The following OTOG variants were observed in gnomAD, a reference collection of about 807,000 sequenced individuals.
OTOG encodes otogelin.
Under a neutral mutation model 313.8 loss-of-function variants are expected in OTOG, and 296 were observed. The ratio of observed to expected loss-of-function variants is 0.94; its 90% confidence interval spans 0.86 to 1.04. OTOG has a LOEUF of 1.04. Ranked by LOEUF, OTOG falls within the 50% of genes least tolerant of loss-of-function variation. OTOG has a pLI of 0.00. For missense variants in OTOG, 3,948 were observed against 3,840.1 expected (o/e 1.03, Z -0.74); for synonymous variants, 1,533 against 1,554.9 (o/e 0.99, Z 0.33).
In OTOG at chr11:17,563,115, C is replaced by T. The variant is rs550328125; in HGVS notation, c.1644+1308C>T. ...CATGACCCTTGAACTGTGTCAATCA[C>T]CTGTGAACATAACTGAGAAAATGGC... is the stretch of plus-strand genomic sequence containing the variant. On this transcript the variant is annotated intron_variant, in intron 15 of 55. Coordinates refer to ENST00000399397, the MANE Select transcript of OTOG (RefSeq NM_001292063.2). 3.3e-5 allele frequency among the ~76,000 whole-genome samples: 5 copies of T among 152,324 alleles called. No individual in the cohort carries two copies. In the South Asian group the frequency reaches 6.2e-4, roughly 19 times the overall value.
intron 39 of OTOG, among the ~76,000 whole-genome samples, chr11:17,624,668 A>C (rs887391512): frequency 6.6e-6 from 1 of 152,132 alleles, no homozygotes; most frequent in Admixed American, 6.6e-5. Flanking sequence ...ATTTTAAAAT[A>C]GTTTTTTTTT....
At chr11:17,605,822 G>T in intron 32 of OTOG, 35 bp from the exon 33 acceptor site, 1 of 1,506,772 alleles carries the variant, frequency 6.6e-7, no homozygotes, top group Non-Finnish European at 8.9e-7. Flanking sequence ...CTGGACCTCT[G>T]CCTGTACTGA....
At position 17,553,487 on chromosome 11, in the gene OTOG, C is replaced by T; in HGVS notation, c.508C>T (p.His170Tyr). ...GKGSYTLVGR[H>Y]EPEGQSFSIQ... ...GGGCAGCTACACCCTGGTGGGTCGCCATGAGCCCGAGGGACAGAGCTTCTC... is the reference window on the plus strand; with the variant it reads ...GGGCAGCTACACCCTGGTGGGTCGCTATGAGCCCGAGGGACAGAGCTTCTC... The change falls in exon 6 of 56, where the codon CAT becomes TAT. Residue 170 changes from histidine (H) to tyrosine (Y), a missense_variant. By Grantham distance (83) the His-to-Tyr change is moderately conservative. Transcript: ENST00000399397. 1 of 1,452,658 alleles carries T rather than the reference C, an allele frequency of 6.9e-7. No individual in the cohort carries two copies. The highest frequency in any genetic ancestry group is 1.5e-5 in the South Asian group (1 of 66,994). 90.0% of individuals were successfully genotyped at this position (1,452,658 alleles called of 1,614,324 possible).
Position 17,645,851 on chromosome 11 carries a change from G to A in OTOG, c.8649G>A (p.Gln2883=), listed in dbSNP as rs1168993866. 3 of 1,550,918 alleles carry A rather than the reference G, an allele frequency of 1.9e-6. No homozygotes were observed. Among genetic ancestry groups the A allele is most frequent in the Non-Finnish European group, 2.6e-6 (3 of 1,147,068 alleles). The change falls in exon 56 of 56, where the codon CAG becomes CAA. Residue 2883 remains glutamine (Q), a synonymous_variant. Transcript: ENST00000399397. The part of the protein sequence containing the change: ...FCKCCREVGL[Q]RRSVQLFCAT... ...AGTGCTGCCGTGAGGTGGGCCTGCA[G>A]CGGCGCTCTGTGCAGCTCTTCTGTG...
At chr11:17,554,262 T>C (rs1852008288) in intron 6 of OTOG, among the ~76,000 whole-genome samples, 1 of 152,218 alleles carries the variant, frequency 6.6e-6, no homozygotes, top group Non-Finnish European at 1.5e-5. Context: ...ATTATGACGC[T>C]GTCATTGTAT....
At chr11:17,599,126 G>A (rs1205661407) in intron 30 of OTOG, among the ~76,000 whole-genome samples, 2 of 152,198 alleles carry the variant, frequency 1.3e-5, no homozygotes, top group Non-Finnish European at 2.9e-5. Context: ...TGCTGGGGAT[G>A]ACCACTAGAG....
intron 18 of OTOG, 94 bp from the exon 19 acceptor site, chr11:17,572,984 C>A: frequency 1.7e-6 from 2 of 1,198,616 alleles, no homozygotes; most frequent in Non-Finnish European, 2.3e-6. Context: ...CACACACACA[C>A]ACCCCTGAGC....
Position 17,611,366 on chromosome 11 carries a change from G to C in OTOG, c.6066G>C (p.Glu2022Asp). 6.5e-7 allele frequency: 1 copy of C among 1,546,234 alleles called. No individual in the cohort carries two copies. The highest frequency in any genetic ancestry group is 8.7e-7 in the Non-Finnish European group (1 of 1,143,786). The stretch of plus-strand genomic sequence containing the variant: ...CAGCCCCAGCCCTGAGCATCGTAGA[G>C]GGTTTGGCGGAGGCTTTGGCAACTA... The part of the protein sequence containing the change: ...GRSAPALSIV[E>D]GLAEALATTT... Residue 2022 changes from glutamate to aspartate, a missense_variant, in exon 36 of 56, where the codon GAG becomes GAC. Physicochemically the swap from Glu to Asp is conservative, Grantham distance 45. Transcript: ENST00000399397.
Position 17,634,380 on chromosome 11 carries a change from A to G in OTOG, c.7480+99A>G, listed in dbSNP as rs1002887927. On this transcript the variant is annotated intron_variant, in intron 44 of 55. Coordinates refer to ENST00000399397, the MANE Select transcript of OTOG (RefSeq NM_001292063.2). The stretch of plus-strand genomic sequence containing the variant: ...CTGATGGATAGGACAAGGCCTAGGA[A>G]AAGCAAAGTGTCTTGTAGGGGGTGA... The G allele has an allele frequency of 1.7e-5, 22 of 1,297,786 alleles. No homozygotes were observed. In the African/African-American group the frequency reaches 1.8e-4, roughly 10 times the overall value. The allele number at this position is 1,297,786 out of a possible 1,614,324, so 80.4% of individuals were successfully genotyped here.
At chr11:17,572,026 G>A (rs868469656) in intron 17 of OTOG, 54 bp from the exon 18 acceptor site, 2 of 1,546,840 alleles carry the variant, frequency 1.3e-6, no homozygotes, top group Non-Finnish European at 1.7e-6. Context: ...TGCTATTTGT[G>A]CCCCCTGAGT....
Position 17,610,440 on chromosome 11 carries a change from A to T in OTOG, c.5140A>T (p.Thr1714Ser), listed in dbSNP as rs889592266. 1.9e-6 allele frequency: 3 copies of T among 1,550,592 alleles called. No homozygotes were observed. The South Asian group carries it at 3.6e-5, about 18-fold the overall frequency. ...ACAGGTTCCTGTCAGTCCCCTTGCA[A>T]CCAGGAGCTTGGAGATAGTGCTATC... ...AEQVPVSPLA[T>S]RSLEIVLSTE... Residue 1714 changes from threonine (T) to serine (S), a missense_variant, in exon 36 of 56, where the codon ACC becomes TCC. Transcript: ENST00000399397.
chr11:17,637,077 A>G (rs1387249059), intron 47 of OTOG, among the ~76,000 whole-genome samples: 1 of 152,170 alleles, frequency 6.6e-6, no homozygotes, highest in African/African-American at 2.4e-5. Context: ...TACGAATTCC[A>G]AGTAAATGCA....
chr11:17,613,663 T>G lies in OTOG; in HGVS notation c.6490T>G (p.Leu2164Val). 6.4e-7 allele frequency: 1 copy of G among 1,550,786 alleles called. No homozygotes were observed. Among genetic ancestry groups the G allele is most frequent in the Non-Finnish European group, 8.7e-7 (1 of 1,147,034 alleles). Residue 2164 changes from leucine (L) to valine (V), a missense_variant, in exon 39 of 56, where the codon TTG becomes GTG. Leu to Val is a conservative substitution (Grantham distance 32, BLOSUM62 1). Transcript: ENST00000399397. ...FCLVMLNMTH[L>V]AHQVTIDRFN... The stretch of plus-strand genomic sequence containing the variant: ...TCTGGTGATGTTGAACATGACTCAC[T>G]TGGCCCATCAGGTCACTATTGATCG...
intron 23 of OTOG, among the ~76,000 whole-genome samples, chr11:17,582,753 T>A (rs10832807): frequency 0.19 from 28,557 of 152,188 alleles, 2,919 homozygotes; most frequent in African/African-American, 0.25. Flanking sequence ...CATTCGTGTA[T>A]CTTTCTTTGT....
At chr11:17,551,912 A>G in intron 3 of OTOG, 88 bp from the exon 4 acceptor site, 1 of 1,203,580 alleles carries the variant, frequency 8.3e-7, no homozygotes, top group East Asian at 2.6e-5. Context: ...GGAGATGAAC[A>G]AAGAGGGCTG....
intron 39 of OTOG, among the ~76,000 whole-genome samples, chr11:17,620,545 A>G (rs947333407): frequency 6.6e-6 from 1 of 152,200 alleles, no homozygotes; most frequent in African/African-American, 2.4e-5. Flanking sequence ...TAGTGCTGTT[A>G]TGAAGTTCCA....
chr11:17,579,643 G>A (rs1852620354), intron 23 of OTOG, among the ~76,000 whole-genome samples: 1 of 152,234 alleles, frequency 6.6e-6, no homozygotes, highest in Non-Finnish European at 1.5e-5. Flanking sequence ...ACCACCTGCT[G>A]CCACTTGGGC....
At chr11:17,636,577 A>G (rs902136715) in intron 47 of OTOG, among the ~76,000 whole-genome samples, 23 of 152,140 alleles carry the variant, frequency 1.5e-4, no homozygotes, top group African/African-American at 5.6e-4. Context: ...AGTTGCCCAG[A>G]TGACCTGGCC....
chr11:17,548,656 C>T (rs1030021237), intron 3 of OTOG, among the ~76,000 whole-genome samples: 2 of 151,998 alleles, frequency 1.3e-5, no homozygotes, highest in Non-Finnish European at 2.9e-5. Context: ...AACTAGGCCA[C>T]CTGGTGGAAG....
Sources: allele counts gnomAD v4.1 joint callset (sites outside exome capture counted in the v4.1 genomes callset), GRCh38; gene constraint gnomAD v4.1.1; transcripts MANE v1.5; gene names NCBI Gene and HGNC (gene_info 2026-07-23, HGNC 2026-07-21).